The following ZW10 variants were observed in gnomAD, a reference collection of about 807,000 sequenced individuals.
ZW10 encodes the protein zw10 kinetochore protein, also known as centromere/kinetochore protein zw10 homolog.
ZW10 carries 53 observed loss-of-function variants against 87.8 expected under a neutral mutation model. The ratio of observed to expected loss-of-function variants is 0.60; its 90% CI spans 0.48 to 0.76. The LOEUF (loss-of-function observed/expected upper bound fraction) is 0.76, where lower values mean the gene tolerates loss of function less well. Ranked by LOEUF, ZW10 falls within the 30% of genes least tolerant of loss-of-function variation. The pLI is 0.00. For missense variants in ZW10, 837 were observed against 923.0 expected, an observed-to-expected ratio of 0.91 and a Z score of 1.21; for synonymous variants, 312 against 329.2, an observed-to-expected ratio of 0.95 and a Z score of 0.57.
intron 7 of ZW10, among the ~76,000 whole-genome samples, chr11:113,751,783 T>C (rs374967313): frequency 6.6e-6 from 1 of 152,170 alleles, no homozygotes. Context: ...TGAGGCAGAA[T>C]TGCTTGAACC....
chr11:113,736,463 T>C (rs1565278376), intron 15 of ZW10, among the ~76,000 whole-genome samples, 157 bp downstream of exon 15: 1 of 152,174 alleles, frequency 6.6e-6, no homozygotes, highest in Admixed American at 6.5e-5. Flanking sequence ...AGATCTGCAT[T>C]ATGATAGATC....
chr11:113,747,174 T>C (rs1953687074), intron 9 of ZW10, among the ~76,000 whole-genome samples: 1 of 152,210 alleles, frequency 6.6e-6, no homozygotes, highest in Non-Finnish European at 1.5e-5. Flanking sequence ...ATATAATTTC[T>C]GGACATAATG....
At chr11:113,755,625 C>G (rs1953775590) in intron 7 of ZW10, among the ~76,000 whole-genome samples, 1 of 151,958 alleles carries the variant, frequency 6.6e-6, no homozygotes, top group African/African-American at 2.4e-5. Flanking sequence ...GGTGAGAAGA[C>G]TGACTCCAAT....
chr11:113,739,286 T>A lies in ZW10; in HGVS notation c.1680A>T (p.Arg560Ser). 1 of 1,613,938 alleles carries A rather than the reference T, an allele frequency of 6.2e-7. No homozygotes were observed. The highest frequency in any genetic ancestry group is 8.5e-7 in the Non-Finnish European group (1 of 1,179,936). The change falls in exon 12 of 16, where the codon AGA becomes AGT. Residue 560 changes from arginine to serine, a missense_variant. By Grantham distance (110) the Arg-to-Ser change is moderately radical (BLOSUM62 -1). Transcript: ENST00000200135. ...CACAAAGAATGGGGGCAAGACGCAA[T>A]CTGAACTGATGCCCGAGGGTCAGCA... Reference protein sequence around the residue: ...HHLLTLGHQFRLRLAPILCDG... With the variant: ...HHLLTLGHQFSLRLAPILCDG...
At chr11:113,738,529 G>A in intron 12 of ZW10, 135 bp from the exon 13 acceptor site, 1 of 810,106 alleles carries the variant, frequency 1.2e-6, no homozygotes, top group Non-Finnish European at 1.8e-6. Context: ...ATATCATAAA[G>A]CTGCCCTAAA....
At chr11:113,745,617 G>A (rs970893092) in intron 9 of ZW10, among the ~76,000 whole-genome samples, 2 of 152,176 alleles carry the variant, frequency 1.3e-5, no homozygotes, top group Non-Finnish European at 2.9e-5. Flanking sequence ...GCTAATCTTT[G>A]TCTGAAAAAT....
intron 7 of ZW10, among the ~76,000 whole-genome samples, chr11:113,752,496 A>T (rs1953743491): frequency 6.6e-6 from 1 of 152,198 alleles, no homozygotes; most frequent in African/African-American, 2.4e-5. Context: ...CCCTGCATTA[A>T]GCAAGTCTAT....
chr11:113,767,943 C>T (rs752644626), intron 2 of ZW10, among the ~76,000 whole-genome samples: 2 of 152,164 alleles, frequency 1.3e-5, no homozygotes, highest in Non-Finnish European at 2.9e-5. Context: ...TATCACTTCC[C>T]GTCTTGGTTT....
chr11:113,763,072 C>T (rs150882087), intron 2 of ZW10, among the ~76,000 whole-genome samples: 3,080 of 152,156 alleles, frequency 0.02, 40 homozygotes, highest in Non-Finnish European at 0.033. Context: ...TGTGTCCATG[C>T]GTTCTCATTG....
chr11:113,747,914 T>C (rs1953697848), intron 8 of ZW10, among the ~76,000 whole-genome samples: 1 of 152,204 alleles, frequency 6.6e-6, no homozygotes, highest in Non-Finnish European at 1.5e-5. Context: ...TGTCTGACTC[T>C]ACTTAGTAAA....
At chr11:113,761,919 C>T (rs1953864347) in intron 2 of ZW10, among the ~76,000 whole-genome samples, 1 of 152,180 alleles carries the variant, frequency 6.6e-6, no homozygotes, top group Non-Finnish European at 1.5e-5. Context: ...ATTCTCAACT[C>T]TCATTCACTC....
chr11:113,742,859 G>C (rs1953636804), intron 10 of ZW10, among the ~76,000 whole-genome samples: 1 of 152,192 alleles, frequency 6.6e-6, no homozygotes, highest in Non-Finnish European at 1.5e-5. Context: ...TCCTAGAGCA[G>C]AATAAAATAA....
intron 7 of ZW10, among the ~76,000 whole-genome samples, chr11:113,749,714 T>C (rs1953715893): frequency 6.6e-6 from 1 of 152,224 alleles, no homozygotes; most frequent in Non-Finnish European, 1.5e-5. Context: ...GGAAAAAATT[T>C]TTTAAAGCAG....
intron 7 of ZW10, among the ~76,000 whole-genome samples, chr11:113,754,434 G>A (rs962838668): frequency 4.0e-5 from 6 of 151,890 alleles, no homozygotes; most frequent in South Asian, 2.1e-4. Context: ...GCAGTGAGCC[G>A]AGATCATGCC....
Position 113,743,876 on chromosome 11 carries a change from G to A in ZW10, c.1437C>T (p.Ile479=). 2 of 1,614,188 alleles carry A rather than the reference G, an allele frequency of 1.2e-6. No homozygotes were observed. The highest frequency in any genetic ancestry group is 1.7e-6 in the Non-Finnish European group (2 of 1,180,044). Residue 479 remains isoleucine, a synonymous_variant, in exon 10 of 16, where the codon ATC becomes ATT. Transcript: ENST00000200135. ...CCATTAATTTCTTCACAGACTCACTGATACGGCATGTGGGCAAGGAAAAGG... is the reference window on the plus strand; with the variant it reads ...CCATTAATTTCTTCACAGACTCACTAATACGGCATGTGGGCAAGGAAAAGG... ...QHSFSLPTCR[I]SESVKKLMEL... is the part of the protein sequence containing the mutation.
chr11:113,757,093 A>T (rs865829617), intron 7 of ZW10, among the ~76,000 whole-genome samples: 109 of 151,814 alleles, frequency 7.2e-4, no homozygotes, highest in African/African-American at 2.5e-3. Flanking sequence ...CATAGAAGGT[A>T]AATCAAATAG....
chr11:113,748,517 G>A, intron 7 of ZW10, 97 bp from the exon 8 acceptor site: 2 of 1,037,610 alleles, frequency 1.9e-6, no homozygotes, highest in Non-Finnish European at 2.7e-6. Flanking sequence ...AAGATGATGG[G>A]GAAGAAAACA....
intron 2 of ZW10, among the ~76,000 whole-genome samples, chr11:113,766,001 T>C (rs1156696471): frequency 6.6e-6 from 1 of 152,134 alleles, no homozygotes; most frequent in Non-Finnish European, 1.5e-5. Flanking sequence ...GATGCAAAAA[T>C]GCTGATACTC....
chr11:113,742,828 G>C (rs1953636238), intron 10 of ZW10, among the ~76,000 whole-genome samples: 1 of 152,192 alleles, frequency 6.6e-6, no homozygotes, highest in African/African-American at 2.4e-5. Flanking sequence ...AGCTAGGAAA[G>C]TATCTTGGGA....
Sources: allele counts gnomAD v4.1 joint callset (sites outside exome capture counted in the v4.1 genomes callset), GRCh38; gene constraint gnomAD v4.1.1; transcripts MANE v1.5; gene names NCBI Gene and HGNC (gene_info 2026-07-23, HGNC 2026-07-21).